SPATA3: variants seen among roughly 807,000 people sequenced by gnomAD.
SPATA3 encodes spermatogenesis associated 3.
Under a neutral mutation model 5.7 loss-of-function variants are expected in SPATA3, and 6 were observed. The ratio of observed to expected loss-of-function variants is 1.06; its 90% CI spans 0.58 to 2.09. The LOEUF (loss-of-function observed/expected upper bound fraction) is 2.09, where lower values mean the gene tolerates loss of function less well. Ranked by LOEUF, SPATA3 falls within the 30% of genes most tolerant of loss-of-function variation. The pLI, the probability that SPATA3 is intolerant of heterozygous loss-of-function variation, is 0.00. For missense variants in SPATA3, 155 were observed against 130.4 expected (o/e 1.19, Z -0.92); for synonymous variants, 44 against 48.4 (o/e 0.91, Z 0.37).
chr2:231,000,467 G>A (rs1267145919), exon 2 of SPATA3: 9 of 1,550,024 alleles, frequency 5.8e-6, no homozygotes, highest in African/African-American at 2.7e-5. Flanking sequence ...CCGCATCTTC[G>A]ATGTCCTTCT....
intron 6 of SPATA3, among the ~76,000 whole-genome samples, chr2:231,018,619 AT>A (rs1692991156): frequency 6.6e-6 from 1 of 152,142 alleles, no homozygotes; most frequent in Admixed American, 6.5e-5. Context: ...AGGGAGAGAT[AT>A]TCTACACCCC....
chr2:230,999,146 C>A (rs998225787), intron 1 of SPATA3, among the ~76,000 whole-genome samples: 11 of 152,160 alleles, frequency 7.2e-5, no homozygotes, highest in African/African-American at 2.4e-4. Flanking sequence ...GTGAAAGAAT[C>A]CAGTCTCCCA....
At chr2:231,005,409 G>T (rs200949913), downstream of SPATA3, among the ~76,000 whole-genome samples, 18 of 47,612 alleles carry the variant, frequency 3.8e-4, no homozygotes, top group Admixed American at 1.2e-3. Flanking sequence ...ACCACCACCA[G>T]TATCAGCATC....
chr2:231,012,891 C>T (rs1369125586), intron 5 of SPATA3, among the ~76,000 whole-genome samples: 1 of 152,188 alleles, frequency 6.6e-6, no homozygotes, highest in Non-Finnish European at 1.5e-5. Flanking sequence ...TTCCAACTCC[C>T]TTGCCCATCT....
downstream of SPATA3, among the ~76,000 whole-genome samples, chr2:231,006,221 G>T (rs62193673): frequency 2.9e-4 from 39 of 134,404 alleles, no homozygotes; most frequent in African/African-American, 1.0e-3. Context: ...AAAAAAAAAG[G>T]CCGGGTGTGG....
chr2:230,996,256 G>T (rs370294281), intron 1 of SPATA3: 6 of 1,497,978 alleles, frequency 4.0e-6, no homozygotes, highest in Non-Finnish European at 4.4e-6. Flanking sequence ...AAGAAGAAAA[G>T]GTCAGAGGCC....
intron 6 of SPATA3, among the ~76,000 whole-genome samples, chr2:231,017,512 G>A (rs539086062): frequency 1.3e-5 from 2 of 152,332 alleles, no homozygotes; most frequent in African/African-American, 2.4e-5. Flanking sequence ...ACTGGGCCCC[G>A]GGGAACTGGG....
downstream of SPATA3, among the ~76,000 whole-genome samples, chr2:231,010,682 G>A (rs1692758251): frequency 6.6e-6 from 1 of 152,024 alleles, no homozygotes; most frequent in Non-Finnish European, 1.5e-5. Context: ...CCCTTCTGAG[G>A]CCTTCATTTT....
chr2:230,999,437 C>T (rs1450831069), intron 1 of SPATA3: 1 of 152,160 alleles, frequency 6.6e-6, no homozygotes, highest in African/African-American at 2.4e-5. Context: ...CAAGTCTTGC[C>T]TTTAGAATCC....
At chr2:231,018,989 T>C (rs1389772725) in intron 6 of SPATA3, among the ~76,000 whole-genome samples, 7 of 114,736 alleles carry the variant, frequency 6.1e-5, no homozygotes, top group South Asian at 2.6e-4. Flanking sequence ...TTTTTTGAGA[T>C]GGAGTCTCAC....
At chr2:230,996,235 T>C in intron 1 of SPATA3, 1 of 1,549,872 alleles carries the variant, frequency 6.5e-7, no homozygotes, top group Non-Finnish European at 8.7e-7. Flanking sequence ...GGATCTACCA[T>C]GAAGAAGGTC....
intron 6 of SPATA3, among the ~76,000 whole-genome samples, chr2:231,016,538 A>T (rs1360657313): frequency 7.0e-6 from 1 of 142,552 alleles, no homozygotes; most frequent in East Asian, 2.0e-4. Flanking sequence ...GAAGAAGGTT[A>T]GCTGGGTGTG....
intron 4 of SPATA3, among the ~76,000 whole-genome samples, chr2:231,012,396 T>C (rs1329430237): frequency 6.6e-6 from 1 of 152,186 alleles, no homozygotes; most frequent in Non-Finnish European, 1.5e-5. Context: ...AGTTCTCCTT[T>C]AAACCTTTCT....
At chr2:231,014,589 A>G (rs1399169360) in intron 6 of SPATA3, among the ~76,000 whole-genome samples, 1 of 151,740 alleles carries the variant, frequency 6.6e-6, no homozygotes, top group Non-Finnish European at 1.5e-5. Flanking sequence ...GCCCATCTGG[A>G]CCCCTCAGCT....
In SPATA3 at chr2:230,996,489, T is replaced by C; in HGVS notation, c.791-3877T>C. The C allele has an allele frequency of 6.4e-7, 1 of 1,552,176 alleles. No homozygotes were observed. The highest frequency in any genetic ancestry group is 8.7e-7 in the Non-Finnish European group (1 of 1,147,058). On this transcript the variant is annotated intron_variant, in intron 1 of 2. Transcript: ENST00000645363. ...CCGCCGCTCCTCTTGCTGCCTTTTATCTCCAGATGCTAACGTGAAGGCAGC... is the reference window on the plus strand; with the variant it reads ...CCGCCGCTCCTCTTGCTGCCTTTTACCTCCAGATGCTAACGTGAAGGCAGC...
chr2:231,020,000 T>G, intron 7 of SPATA3: 1 of 140,026 alleles, frequency 7.1e-6, no homozygotes, highest in Admixed American at 7.3e-5. Context: ...ACCTAAAGTG[T>G]GGACATACCA....
At chr2:231,005,145 C>CCAT, downstream of SPATA3, among the ~76,000 whole-genome samples, 1 of 30,496 alleles carries the variant, frequency 3.3e-5, no homozygotes, top group African/African-American at 1.1e-4. Flanking sequence ...ACCACCACCA[C>CCAT]CATCACCATC....
At chr2:231,016,012 C>T (rs896040305) in intron 6 of SPATA3, among the ~76,000 whole-genome samples, 30 of 152,338 alleles carry the variant, frequency 2.0e-4, no homozygotes, top group South Asian at 1.0e-3. Context: ...GGAGCCTCAC[C>T]TCTTTGGGCA....
At chr2:231,004,959 TCATCCTCATCACCATCAC>T (rs1559197073), downstream of SPATA3, among the ~76,000 whole-genome samples, 1 of 134,812 alleles carries the variant, frequency 7.4e-6, no homozygotes, top group African/African-American at 2.8e-5. Flanking sequence ...ATTATCACCA[TCATCCTCATCACCATCAC>T]CATCCTCATC....
Sources: allele counts gnomAD v4.1 joint callset (sites outside exome capture counted in the v4.1 genomes callset), GRCh38; gene constraint gnomAD v4.1.1; transcripts MANE v1.5; gene names NCBI Gene and HGNC (gene_info 2026-07-23, HGNC 2026-07-21).